EPB41L2: variants seen among roughly 807,000 people sequenced by gnomAD.
EPB41L2 encodes the protein band 4.1-like protein 2.
In EPB41L2, 43 loss-of-function variants were observed where a neutral mutation model predicts 113.0. The ratio of observed to expected loss-of-function variants is 0.38; its 90% confidence interval spans 0.30 to 0.49. EPB41L2 has a LOEUF of 0.49. Among genes scored for constraint, EPB41L2 ranks in the 20% least tolerant of loss-of-function variants. EPB41L2 has a pLI of 0.95. For missense variants in EPB41L2, 1,147 were observed against 1,223.4 expected (o/e 0.94, Z 0.93); for synonymous variants, 442 against 436.7 (o/e 1.01, Z -0.15).
chr6:131,007,874 A>T (rs1262635825), intron 1 of EPB41L2, among the ~76,000 whole-genome samples: 2 of 152,250 alleles, frequency 1.3e-5, no homozygotes, highest in Non-Finnish European at 2.9e-5. Context: ...GAAAGCATTC[A>T]GTTGTATGTG....
chr6:130,966,025 C>T (rs1775056799), intron 1 of EPB41L2, among the ~76,000 whole-genome samples: 1 of 145,760 alleles, frequency 6.9e-6, no homozygotes, highest in Non-Finnish European at 1.5e-5. Context: ...AGCTGATGAG[C>T]TTTAAAAAAA....
At chr6:131,028,723 G>T (rs146046317) in intron 1 of EPB41L2, among the ~76,000 whole-genome samples, 2 of 152,088 alleles carry the variant, frequency 1.3e-5, no homozygotes, top group South Asian at 2.1e-4. Flanking sequence ...ATTCTTCAGG[G>T]TACATTACCT....
Position 130,839,742 on chromosome 6 carries a change from A to G in EPB41L2, c.*862T>C, listed in dbSNP as rs532418458. ...TAATGGAAAGAATTGAAATGTGGGT[A>G]TGTTAAGAAAGAAAGCACTAAGGTT... On this transcript the variant is annotated 3_prime_UTR_variant, in exon 20 of 20. Transcript: ENST00000337057. 3 of 152,382 alleles carry G rather than the reference A, an allele frequency of 2.0e-5. No homozygotes were observed. Among genetic ancestry groups the G allele is most frequent in the South Asian group, 2.1e-4 (1 of 4,834 alleles). The allele number at this position is 152,382 out of a possible 1,614,324, so 9.4% of individuals were successfully genotyped here.
Position 130,878,149 on chromosome 6 carries a change from T to C in EPB41L2, c.1998A>G (p.Glu666=). ...GAGGTGTGATACGTCGTTTTTCCCA[T>C]TCATTAGGGCGCGGCTCAGGTGTGG... is the stretch of plus-strand genomic sequence containing the variant. ...MESTPEPRPN[E]WEKRRITPLS... The change falls in exon 14 of 20, where the codon GAA becomes GAG. Residue 666 remains glutamate (E), a synonymous_variant. Transcript: ENST00000337057. 2 of 1,613,556 alleles carry C rather than the reference T, an allele frequency of 1.2e-6. No individual in the cohort carries two copies. The highest frequency in any genetic ancestry group is 2.2e-5 in the East Asian group (1 of 44,842).
At chr6:130,980,317 T>C (rs1025559770) in intron 1 of EPB41L2, among the ~76,000 whole-genome samples, 2 of 152,112 alleles carry the variant, frequency 1.3e-5, no homozygotes, top group African/African-American at 4.8e-5. Context: ...GTTTAGGCTG[T>C]TTTTGTTTGG....
chr6:130,994,953 T>G (rs984511663), intron 1 of EPB41L2, among the ~76,000 whole-genome samples: 2 of 150,786 alleles, frequency 1.3e-5, no homozygotes, highest in African/African-American at 2.5e-5. Context: ...TCTCCCGCCT[T>G]TGCTTCAAGT....
intron 16 of EPB41L2, among the ~76,000 whole-genome samples, chr6:130,866,785 T>G (rs1783888057): frequency 6.6e-6 from 1 of 152,216 alleles, no homozygotes; most frequent in Non-Finnish European, 1.5e-5. Context: ...TTGTTATTCT[T>G]AAGGTTAAAC....
intron 6 of EPB41L2, 126 bp from the exon 7 acceptor site, chr6:130,901,306 C>T: frequency 1.4e-6 from 1 of 723,830 alleles, no homozygotes; most frequent in Non-Finnish European, 2.2e-6. Context: ...TTCATATAAA[C>T]AGCAAAAATC....
At chr6:130,919,974 A>C (rs1802353635) in intron 4 of EPB41L2, among the ~76,000 whole-genome samples, 1 of 151,916 alleles carries the variant, frequency 6.6e-6, no homozygotes, top group South Asian at 2.1e-4. Context: ...TGCTCAACTA[A>C]GATTTTTTTT....
intron 4 of EPB41L2, among the ~76,000 whole-genome samples, chr6:130,920,842 C>T (rs569694926): frequency 6.6e-6 from 1 of 152,114 alleles, no homozygotes; most frequent in Admixed American, 6.6e-5. Flanking sequence ...TTTCTTCATC[C>T]TTCACCTACT....
At chr6:131,021,077 C>T (rs1238173749) in intron 1 of EPB41L2, among the ~76,000 whole-genome samples, 1 of 152,142 alleles carries the variant, frequency 6.6e-6, no homozygotes, top group Admixed American at 6.5e-5. Context: ...GGATTACAGG[C>T]ATGAGCCACC....
chr6:130,865,609 G>A lies in EPB41L2; in HGVS notation c.2756C>T (p.Ser919Leu), dbSNP rs756444268. ...PQIDGGAGGD[S>L]GTLLTAQTIT... ...GGTTTGTGCGGTCAGTAACGTGCCC[G>A]AATCACCACCAGCCCCGCCATCAAT... The change falls in exon 17 of 20, where the codon TCG becomes TTG. Residue 919 changes from serine (S) to leucine (L), a missense_variant. By Grantham distance (145) the Ser-to-Leu change is moderately radical. Transcript: ENST00000337057. 26 of 1,613,986 alleles carry A rather than the reference G, an allele frequency of 1.6e-5. No individual in the cohort carries two copies. The highest frequency in any genetic ancestry group is 6.7e-5 in the African/African-American group (5 of 74,912).
chr6:130,881,951 G>C (rs971186688), intron 12 of EPB41L2: 1 of 152,138 alleles, frequency 6.6e-6, no homozygotes. Context: ...GAGATAAGGA[G>C]CTTTTGAGAT....
intron 3 of EPB41L2, among the ~76,000 whole-genome samples, chr6:130,938,020 T>C (rs1241578060): frequency 6.6e-6 from 1 of 152,164 alleles, no homozygotes; most frequent in Admixed American, 6.5e-5. Flanking sequence ...TGCTTATTCT[T>C]TTAAAAACTA....
At chr6:130,937,772 T>C (rs1421837138) in intron 3 of EPB41L2, among the ~76,000 whole-genome samples, 1 of 146,894 alleles carries the variant, frequency 6.8e-6, no homozygotes, top group Non-Finnish European at 1.5e-5. Context: ...GCCAAGATCG[T>C]GCCACTGCCC....
chr6:131,019,687 G>A (rs1789016051), intron 1 of EPB41L2, among the ~76,000 whole-genome samples: 1 of 152,022 alleles, frequency 6.6e-6, no homozygotes, highest in Non-Finnish European at 1.5e-5. Flanking sequence ...ATTCTTTAAA[G>A]AAGTGTGAAA....
intron 19 of EPB41L2, among the ~76,000 whole-genome samples, chr6:130,857,619 C>T (rs139255042): frequency 3.7e-5 from 5 of 134,190 alleles, no homozygotes; most frequent in East Asian, 2.1e-4. Flanking sequence ...AGTTCAGTGG[C>T]GCAATGTTGG....
At chr6:131,037,255 G>T (rs1342878003) in intron 1 of EPB41L2, among the ~76,000 whole-genome samples, 1 of 152,152 alleles carries the variant, frequency 6.6e-6, no homozygotes, top group East Asian at 1.9e-4. Flanking sequence ...GAATAAATTA[G>T]GGCTGCTGCC....
intron 15 of EPB41L2, chr6:130,868,632 A>G (rs797013866): frequency 6.6e-5 from 10 of 152,378 alleles, no homozygotes; most frequent in African/African-American, 2.4e-4. Context: ...ATTTTAAGAC[A>G]AAGTCACTTC....
Sources: allele counts gnomAD v4.1 joint callset (sites outside exome capture counted in the v4.1 genomes callset), GRCh38; gene constraint gnomAD v4.1.1; transcripts MANE v1.5; gene names NCBI Gene and HGNC (gene_info 2026-07-23, HGNC 2026-07-21).